RGS17: variants seen among roughly 807,000 people sequenced by gnomAD.
RGS17 encodes the protein regulator of G-protein signaling 17.
A neutral mutation model predicts 25.5 loss-of-function variants in RGS17; 12 were observed. That is an observed-to-expected ratio of 0.47 (90% CI 0.30 to 0.76). The LOEUF (loss-of-function observed/expected upper bound fraction) is 0.76. Among genes scored for constraint, RGS17 ranks in the 30% least tolerant of loss-of-function variants. The pLI is 0.07. For synonymous variants in RGS17, 71 were observed against 76.9 expected (o/e 0.92, Z 0.40); for missense variants, 196 against 242.2 (o/e 0.81, Z 1.27).
chr6:153,020,130 ATATATATATTTTTTTTTTTTTTT>A (rs1779230194), intron 4 of RGS17, among the ~76,000 whole-genome samples: 2 of 89,340 alleles, frequency 2.2e-5, no homozygotes, highest in South Asian at 4.1e-4. Flanking sequence ...ATATATATAT[ATATATATATTTTTTTTTTTTTTT>A]TTTTTTTTTT....
chr6:153,085,182 A>C (rs1777036448), intron 1 of RGS17, among the ~76,000 whole-genome samples: 1 of 152,192 alleles, frequency 6.6e-6, no homozygotes, highest in East Asian at 1.9e-4. Flanking sequence ...CATAGTCAAC[A>C]CTTTGATACT....
At chr6:153,025,675 CATATATATAAACATATATATAAAAACAT>C (rs1169785509) in intron 3 of RGS17, among the ~76,000 whole-genome samples, 12 of 139,322 alleles carry the variant, frequency 8.6e-5, no homozygotes, top group South Asian at 2.3e-4. Context: ...TATATATAAA[CATATATATAAACATATATATAAAAACAT>C]ATATATATAA....
rs889510367 is a variant in RGS17 at position 153,009,777 on chromosome 6, A to G, written c.*1797T>C. 1 of 151,974 alleles carries G rather than the reference A, an allele frequency of 6.6e-6. No homozygotes were observed. Among genetic ancestry groups the G allele is most frequent in the Non-Finnish European group, 1.5e-5 (1 of 67,842 alleles). 9.4% of individuals were successfully genotyped at this position (151,974 alleles called of 1,614,324 possible). On this transcript the variant is annotated 3_prime_UTR_variant, in exon 5 of 5. Coordinates refer to ENST00000206262, the MANE Select transcript of RGS17 (RefSeq NM_012419.5). ...AGAATATTTTGTTTTCTACTCTGCA[A>G]TTTTTAAAAAATCCCATTTTGTCAA...
intron 4 of RGS17, among the ~76,000 whole-genome samples, chr6:153,018,467 A>C (rs1051982920): frequency 6.6e-6 from 1 of 152,228 alleles, no homozygotes; most frequent in Non-Finnish European, 1.5e-5. Flanking sequence ...TGTGAGACTC[A>C]GACTGTAATA....
chr6:153,087,699 A>C (rs911409961), intron 1 of RGS17, among the ~76,000 whole-genome samples: 1 of 152,140 alleles, frequency 6.6e-6, no homozygotes, highest in African/African-American at 2.4e-5. Flanking sequence ...GGTGTGTAGG[A>C]GGCAGATAAT....
At chr6:153,053,528 GGTGGCTCATATCT>G (rs1489701915) in intron 1 of RGS17, among the ~76,000 whole-genome samples, 1 of 152,126 alleles carries the variant, frequency 6.6e-6, no homozygotes, top group African/African-American at 2.4e-5. Flanking sequence ...GGCAGAGCAC[GGTGGCTCATATCT>G]GTAATTCCAG....
At chr6:153,098,815 T>C (rs1167715929) in intron 1 of RGS17, among the ~76,000 whole-genome samples, 1 of 152,204 alleles carries the variant, frequency 6.6e-6, no homozygotes, top group African/African-American at 2.4e-5. Context: ...ACTATCATTC[T>C]ATGATCTTAA....
chr6:153,081,077 C>T (rs1387563653), intron 1 of RGS17, among the ~76,000 whole-genome samples: 7 of 152,048 alleles, frequency 4.6e-5, no homozygotes, highest in Non-Finnish European at 7.4e-5. Context: ...GTATACTCTG[C>T]TGCATTTGGA....
At chr6:153,041,802 A>G (rs1034321401) in intron 2 of RGS17, among the ~76,000 whole-genome samples, 68 of 152,222 alleles carry the variant, frequency 4.5e-4, no homozygotes, top group African/African-American at 1.6e-3. Flanking sequence ...TATAGCCACA[A>G]ACTGATCTTT....
chr6:153,023,425 AGCTCCATCACACAGG>A (rs1334836496), intron 4 of RGS17: 10 of 497,838 alleles, frequency 2.0e-5, no homozygotes, highest in African/African-American at 1.9e-4. Context: ...AGCCCTCTGG[AGCTCCATCACACAGG>A]GCTCCAAGGG....
At chr6:153,113,670 A>G (rs886497172) in intron 1 of RGS17, among the ~76,000 whole-genome samples, 3 of 152,214 alleles carry the variant, frequency 2.0e-5, no homozygotes, top group Non-Finnish European at 4.4e-5. Flanking sequence ...AATTGACCAC[A>G]TAATTGGAAG....
intron 1 of RGS17, among the ~76,000 whole-genome samples, chr6:153,127,760 T>C (rs887770862): frequency 1.2e-4 from 18 of 152,218 alleles, no homozygotes; most frequent in African/African-American, 4.3e-4. Context: ...TGAAAATTGC[T>C]TCCTCCAAAG....
chr6:153,060,141 A>T (rs142292322), intron 1 of RGS17, among the ~76,000 whole-genome samples: 2 of 152,314 alleles, frequency 1.3e-5, no homozygotes, highest in Admixed American at 6.5e-5. Context: ...TGTTTCCCAG[A>T]GTCAGAAGGA....
intron 1 of RGS17, among the ~76,000 whole-genome samples, chr6:153,094,280 T>A (rs941767397): frequency 6.6e-6 from 1 of 152,070 alleles, no homozygotes; most frequent in East Asian, 1.9e-4. Context: ...GGTTTTGCTA[T>A]GTTGGCCAGG....
rs531244555 is a variant in RGS17 at position 153,104,447 on chromosome 6, T to C, written c.-26+26677A>G. Reference sequence around the variant, plus strand: ...GATAAATGACTCTGAATCCAGAACATGTTTGACTAAAGTCAGACATTAACC... The same window carrying C: ...GATAAATGACTCTGAATCCAGAACACGTTTGACTAAAGTCAGACATTAACC... On this transcript the variant is annotated intron_variant, in intron 1 of 4. Transcript: ENST00000206262. Among the ~76,000 whole-genome samples the C allele has an allele frequency of 2.0e-5, 3 of 152,306 alleles. No homozygotes were observed. In the South Asian group the frequency reaches 6.2e-4, roughly 32 times the overall value.
chr6:153,011,796 T>G lies in RGS17; in HGVS notation c.445-34A>C. ...AAACAAGAGCAAATACATTAAATAA[T>G]ATTTTTTTCAAAAGACCTCAATTAA... On this transcript the variant is annotated intron_variant, in intron 4 of 4. Transcript: ENST00000206262. 5 of 394,604 alleles carry G rather than the reference T, an allele frequency of 1.3e-5. No individual in the cohort carries two copies. In the African/African-American group the frequency reaches 2.4e-4, roughly 19 times the overall value. 24.4% of individuals were successfully genotyped at this position (394,604 alleles called of 1,614,324 possible). A position where few individuals can be genotyped will look rare whatever the true frequency, so the allele number is the denominator to read the frequency against.
intron 1 of RGS17, among the ~76,000 whole-genome samples, chr6:153,077,834 A>G (rs1776905602): frequency 6.6e-6 from 1 of 151,782 alleles, no homozygotes. Context: ...GTGAGTTTAT[A>G]TTTGGAGTCT....
intron 1 of RGS17, among the ~76,000 whole-genome samples, chr6:153,100,141 C>A (rs769217987): frequency 6.6e-6 from 1 of 152,128 alleles, no homozygotes; most frequent in Non-Finnish European, 1.5e-5. Flanking sequence ...ACTACATACC[C>A]TGGGCATTCT....
intron 1 of RGS17, among the ~76,000 whole-genome samples, chr6:153,054,078 ACACACAATATTTTT>A (rs1562321627): frequency 0.039 from 1,736 of 44,464 alleles, 212 homozygotes; most frequent in South Asian, 0.05. Context: ...ATATATATAT[ACACACAATATTTTT>A]TATATATATA....
Sources: gnomAD v4.1 joint callset for allele counts (sites outside exome capture counted in the v4.1 genomes callset) on GRCh38, gnomAD v4.1.1 for gene constraint, MANE v1.5 for transcripts, NCBI Gene and HGNC (gene_info 2026-07-23, HGNC 2026-07-21) for gene names.